Variants in MBTD1 observed in about 807,000 individuals in gnomAD.
MBTD1 encodes the protein mbt domain containing 1, also known as MBT domain-containing protein 1.
Under a neutral mutation model 87.8 loss-of-function variants are expected in MBTD1, and 24 were observed. That is an observed-to-expected ratio of 0.27 (90% CI 0.20 to 0.38). MBTD1 has a LOEUF of 0.38. Among genes scored for constraint, MBTD1 ranks in the 10% least tolerant of loss-of-function variants. The pLI, the probability that MBTD1 is intolerant of heterozygous loss-of-function variation, is 1.00. For synonymous variants in MBTD1, 237 were observed against 248.6 expected (o/e 0.95, Z 0.44); for missense variants, 436 against 760.2 (o/e 0.57, Z 5.02).
At chr17:51,197,897 G>A (rs946412698) in intron 12 of MBTD1, among the ~76,000 whole-genome samples, 1 of 151,960 alleles carries the variant, frequency 6.6e-6, no homozygotes, top group Non-Finnish European at 1.5e-5. Context: ...CATTCTTTCT[G>A]CATTCCTTCT....
At position 51,180,280 on chromosome 17, in the gene MBTD1, T is replaced by C. The variant is rs978470637; in HGVS notation, c.*296A>G. 3 of 254,804 alleles carry C rather than the reference T, an allele frequency of 1.2e-5. No homozygotes were observed. The highest frequency in any genetic ancestry group is 6.9e-5 in the African/African-American group (3 of 43,644). 15.8% of individuals were successfully genotyped at this position (254,804 alleles called of 1,614,324 possible). A position where few individuals can be genotyped will look rare whatever the true frequency, so the allele number is the denominator to read the frequency against. On this transcript the variant is annotated 3_prime_UTR_variant, in exon 17 of 17. Transcript: ENST00000586178. ...CTAAACTTTAATGTTACCAAAAAAGTTAGAATTTCAGTTCTTGTTAACAAT... is the reference window on the plus strand; with the variant it reads ...CTAAACTTTAATGTTACCAAAAAAGCTAGAATTTCAGTTCTTGTTAACAAT...
At chr17:51,191,262 T>TTC (rs922942329) in intron 16 of MBTD1, among the ~76,000 whole-genome samples, 1 of 56,794 alleles carries the variant, frequency 1.8e-5, no homozygotes, top group African/African-American at 4.7e-5. Context: ...AAGAATTTCT[T>TTC]TTTTTTTTTT....
At chr17:51,237,036 G>A (rs1300075136) in intron 2 of MBTD1, among the ~76,000 whole-genome samples, 5 of 151,968 alleles carry the variant, frequency 3.3e-5, no homozygotes, top group Admixed American at 3.3e-4. Context: ...GGTGGCTCAC[G>A]TCTGTAATCC....
At chr17:51,220,210 G>A in intron 4 of MBTD1, 120 bp downstream of exon 4, 1 of 914,280 alleles carries the variant, frequency 1.1e-6, no homozygotes, top group African/African-American at 1.7e-5. Context: ...CTCAAGATGT[G>A]GTATAAAACC....
Position 51,202,085 on chromosome 17 carries a change from G to A in MBTD1, c.1064-8C>T. 1 of 1,579,164 alleles carries A rather than the reference G, an allele frequency of 6.3e-7. No individual in the cohort carries two copies. Among genetic ancestry groups the A allele is most frequent in the Non-Finnish European group, 8.7e-7 (1 of 1,150,416 alleles). ...CCTGTTTCTTTGTAATATCTACAAG[G>A]AAAAGTTACACACTAATCTGTCAGC... On this transcript the variant is annotated splice_region_variant and splice_polypyrimidine_tract_variant and intron_variant, in intron 10 of 16. Transcript: ENST00000586178.
At chr17:51,214,104 T>G (rs1425719646) in intron 6 of MBTD1, among the ~76,000 whole-genome samples, 1 of 146,324 alleles carries the variant, frequency 6.8e-6, no homozygotes, top group African/African-American at 2.5e-5. Context: ...CACACATATG[T>G]ATATATGCAC....
rs779978036 is a variant in MBTD1, at chr17:51,220,311, A to G, written c.288+19T>C. 3.3e-6 allele frequency: 5 copies of G among 1,536,660 alleles called. No homozygotes were observed. The highest frequency in any genetic ancestry group is 3.5e-6 in the Non-Finnish European group (4 of 1,138,820). On this transcript the variant is annotated intron_variant, in intron 4 of 16. Transcript: ENST00000586178. ...CATAGAAATAATGGATATAAGTAAGAAAGTTTCTGTACCGTTACCTGAAGT... is the reference window on the plus strand; with the variant it reads ...CATAGAAATAATGGATATAAGTAAGGAAGTTTCTGTACCGTTACCTGAAGT...
chr17:51,188,633 T>G (rs2050654449), intron 16 of MBTD1, among the ~76,000 whole-genome samples: 1 of 152,130 alleles, frequency 6.6e-6, no homozygotes. Context: ...GTGAGAAAAC[T>G]TTCTAACAAA....
chr17:51,195,197 A>G lies in MBTD1; in HGVS notation c.1372+17T>C, dbSNP rs181868699. The G allele has an allele frequency of 8.7e-6, 14 of 1,602,628 alleles. No homozygotes were observed. In the East Asian group the frequency reaches 1.8e-4, roughly 20 times the overall value. ...AAGCAACAATTAAAACCCAGTGTTTATATTAGGATGAAGTACCTCTGGGTG... is the reference window on the plus strand; with the variant it reads ...AAGCAACAATTAAAACCCAGTGTTTGTATTAGGATGAAGTACCTCTGGGTG... On this transcript the variant is annotated intron_variant, in intron 13 of 16. Coordinates refer to ENST00000586178, the MANE Select transcript of MBTD1 (RefSeq NM_017643.3).
At chr17:51,201,113 A>G (rs1181459113) in intron 12 of MBTD1, among the ~76,000 whole-genome samples, 2 of 152,124 alleles carry the variant, frequency 1.3e-5, no homozygotes, top group African/African-American at 4.8e-5. Context: ...TAGGCGACAG[A>G]GAGAGACTGT....
chr17:51,232,829 G>C (rs931254234), intron 2 of MBTD1, among the ~76,000 whole-genome samples: 31 of 151,888 alleles, frequency 2.0e-4, no homozygotes, highest in African/African-American at 6.8e-4. Flanking sequence ...CTTGAGGCCA[G>C]GAGTTCGAGA....
At chr17:51,260,418 T>G (rs1191518111), upstream of MBTD1, 5 of 712,372 alleles carry the variant, frequency 7.0e-6, no homozygotes, top group Non-Finnish European at 1.1e-5. Flanking sequence ...CGGGGCTGGG[T>G]AGGGGAGCGG....
intron 2 of MBTD1, among the ~76,000 whole-genome samples, chr17:51,258,797 G>A (rs1419484187): frequency 2.0e-5 from 3 of 152,142 alleles, no homozygotes; most frequent in Admixed American, 6.5e-5. Flanking sequence ...TAATTCTTTA[G>A]CTTCCTGTAG....
chr17:51,190,733 AAAAAAAAAAAAAAAAAAAT>A (rs1225005194), intron 16 of MBTD1, among the ~76,000 whole-genome samples: 1 of 116,036 alleles, frequency 8.6e-6, no homozygotes, highest in African/African-American at 4.1e-5. Flanking sequence ...AAAAAAAAAA[AAAAAAAAAAAAAAAAAAAT>A]ATATATATAT....
intron 2 of MBTD1, among the ~76,000 whole-genome samples, chr17:51,231,095 G>A (rs2053526472): frequency 6.6e-6 from 1 of 152,044 alleles, no homozygotes; most frequent in Non-Finnish European, 1.5e-5. Context: ...CTGCCACCAC[G>A]CCAGGCTAAC....
intron 3 of MBTD1, among the ~76,000 whole-genome samples, chr17:51,222,399 T>C (rs2052954654): frequency 6.6e-6 from 1 of 151,034 alleles, no homozygotes; most frequent in South Asian, 2.1e-4. Context: ...GTAGTTTTTT[T>C]GTTTTGTTTT....
At chr17:51,203,266 AAAG>A in intron 8 of MBTD1, 38 bp from the exon 9 acceptor site, 2 of 994,346 alleles carry the variant, frequency 2.0e-6, no homozygotes, top group Non-Finnish European at 2.9e-6. Flanking sequence ...CTTTAGCAAA[AAAG>A]AACTGCTTCA....
At chr17:51,205,347 A>G (rs2051757505) in intron 7 of MBTD1, among the ~76,000 whole-genome samples, 1 of 152,238 alleles carries the variant, frequency 6.6e-6, no homozygotes, top group Non-Finnish European at 1.5e-5. Context: ...AGTTAGATAA[A>G]ACAGAAATGT....
In MBTD1 at chr17:51,213,672, T is replaced by A. The variant is rs138560299; in HGVS notation, c.486+3662A>T. Among the ~76,000 whole-genome samples, 100 of 152,314 alleles carry A rather than the reference T, an allele frequency of 6.6e-4. 2 individuals carry two copies. In the East Asian group the frequency reaches 0.017, roughly 26 times the overall value. On this transcript the variant is annotated intron_variant, in intron 6 of 16. Coordinates refer to ENST00000586178, the MANE Select transcript of MBTD1 (RefSeq NM_017643.3). The stretch of plus-strand genomic sequence containing the variant: ...TAAGAGATGGACTAGCTGAACCAGA[T>A]GATTTTAAAGATGCCTTCTAGCTTT...
Sources: gnomAD v4.1 joint callset for allele counts (sites outside exome capture counted in the v4.1 genomes callset) on GRCh38, gnomAD v4.1.1 for gene constraint, MANE v1.5 for transcripts, NCBI Gene and HGNC (gene_info 2026-07-23, HGNC 2026-07-21) for gene names.